UBE2U: variants seen among roughly 807,000 people sequenced by gnomAD.
UBE2U encodes the protein ubiquitin conjugating enzyme E2 U.
UBE2U carries 39 observed loss-of-function variants against 41.2 expected under a neutral mutation model. The observed-to-expected ratio is 0.95, with a 90% CI of 0.73 to 1.24. The LOEUF is 1.24. Ranked by LOEUF, UBE2U falls within the 50% of genes most tolerant of loss-of-function variation. The pLI, the probability that UBE2U is intolerant of heterozygous loss-of-function variation, is 0.00. For synonymous variants in UBE2U, 107 were observed against 117.8 expected (o/e 0.91, Z 0.60); for missense variants, 336 against 363.1 (o/e 0.93, Z 0.61).
intron 8 of UBE2U, among the ~76,000 whole-genome samples, chr1:64,250,397 C>T (rs1644987075): frequency 6.6e-6 from 1 of 152,110 alleles, no homozygotes; most frequent in Admixed American, 6.5e-5. Flanking sequence ...AATTTTCCCA[C>T]ACATTTAAGG....
intron 5 of UBE2U, among the ~76,000 whole-genome samples, 185 bp downstream of exon 5, chr1:64,215,117 C>T (rs1329434600): frequency 6.6e-6 from 1 of 152,112 alleles, no homozygotes; most frequent in Non-Finnish European, 1.5e-5. Context: ...AGTAATCCCA[C>T]CTACTCGGGA....
chr1:64,237,528 G>A (rs1449159714), intron 7 of UBE2U, among the ~76,000 whole-genome samples: 1 of 152,110 alleles, frequency 6.6e-6, no homozygotes, highest in Admixed American at 6.6e-5. Context: ...TCTCTCTCCT[G>A]TCCTCATTCT....
chr1:64,261,729 C>T (rs780581058), intron 9 of UBE2U, among the ~76,000 whole-genome samples: 4 of 152,278 alleles, frequency 2.6e-5, no homozygotes, highest in South Asian at 4.1e-4. Flanking sequence ...TCTTTGCTTT[C>T]TCCATGATTT....
intron 8 of UBE2U, among the ~76,000 whole-genome samples, chr1:64,259,951 T>C (rs1014243051): frequency 2.6e-5 from 4 of 151,392 alleles, no homozygotes; most frequent in Non-Finnish European, 5.9e-5. Context: ...CAGATATAAA[T>C]AGTAATTAGT....
At chr1:64,256,549 G>A (rs1009558838) in intron 8 of UBE2U, among the ~76,000 whole-genome samples, 12 of 152,194 alleles carry the variant, frequency 7.9e-5, no homozygotes, top group Non-Finnish European at 1.5e-4. Context: ...ATGGTGCTGG[G>A]AAAACTAGCT....
At chr1:64,257,374 A>G (rs538517885) in intron 8 of UBE2U, among the ~76,000 whole-genome samples, 2 of 152,348 alleles carry the variant, frequency 1.3e-5, no homozygotes, top group East Asian at 3.9e-4. Flanking sequence ...ATGCCCTTCA[A>G]TGATAGACTG....
intron 8 of UBE2U, 99 bp from the exon 9 acceptor site, chr1:64,260,504 T>C: frequency 7.8e-6 from 7 of 891,904 alleles, no homozygotes; most frequent in Non-Finnish European, 1.0e-5. Flanking sequence ...TTGTTCTACT[T>C]TTATGTTTCA....
At chr1:64,224,738 A>G (rs825165) in intron 6 of UBE2U, among the ~76,000 whole-genome samples, 10,818 of 150,116 alleles carry the variant, frequency 0.072, 1,159 homozygotes, top group African/African-American at 0.23. Flanking sequence ...AAAAAAAAAA[A>G]TTAAGTGAAA....
At chr1:64,216,953 C>A in intron 5 of UBE2U, among the ~76,000 whole-genome samples, 1 of 152,152 alleles carries the variant, frequency 6.6e-6, no homozygotes, top group South Asian at 2.1e-4. Context: ...TAATTATTCC[C>A]AGTACCTCCT....
chr1:64,240,546 T>C (rs1181268700), intron 7 of UBE2U, among the ~76,000 whole-genome samples: 1 of 152,186 alleles, frequency 6.6e-6, no homozygotes, highest in Non-Finnish European at 1.5e-5. Context: ...AGTTTGCAAG[T>C]AATTCATTCA....
intron 8 of UBE2U, among the ~76,000 whole-genome samples, chr1:64,259,166 GTTGT>G (rs1489852833): frequency 9.2e-5 from 14 of 152,206 alleles, no homozygotes; most frequent in African/African-American, 1.2e-4. Flanking sequence ...TTTTGACGGG[GTTGT>G]TTGTTTTTTT....
chr1:64,262,162 T>C (rs1645188719), intron 9 of UBE2U, among the ~76,000 whole-genome samples: 1 of 152,238 alleles, frequency 6.6e-6, no homozygotes, highest in African/African-American at 2.4e-5. Context: ...CCTTCTTTAC[T>C]TTCTAATGCC....
chr1:64,204,371 C>CT (rs1651156708), intron 1 of UBE2U, among the ~76,000 whole-genome samples: 11 of 152,084 alleles, frequency 7.2e-5, no homozygotes, highest in Non-Finnish European at 1.5e-4. Flanking sequence ...CACTGAATAT[C>CT]AGGGTCTGTC....
At chr1:64,221,808 C>T (rs1330977143) in intron 6 of UBE2U, among the ~76,000 whole-genome samples, 2 of 152,030 alleles carry the variant, frequency 1.3e-5, no homozygotes, top group Non-Finnish European at 2.9e-5. Flanking sequence ...AACTTATGGC[C>T]GAGAGCAGTG....
chr1:64,257,614 AG>A (rs779892077), intron 8 of UBE2U, among the ~76,000 whole-genome samples: 8 of 152,050 alleles, frequency 5.3e-5, no homozygotes, highest in Non-Finnish European at 1.0e-4. Flanking sequence ...CCTGTTGGTG[AG>A]GGGGGTGTGT....
intron 8 of UBE2U, among the ~76,000 whole-genome samples, chr1:64,253,035 G>A (rs894620353): frequency 6.6e-6 from 1 of 152,136 alleles, no homozygotes; most frequent in Non-Finnish European, 1.5e-5. Context: ...TACAGAAGAT[G>A]ATAACCAGAA....
At chr1:64,247,537 T>C (rs1908637) in intron 8 of UBE2U, among the ~76,000 whole-genome samples, 25,859 of 152,062 alleles carry the variant, frequency 0.17, 2,881 homozygotes, top group Non-Finnish European at 0.25. Context: ...GATAAGTAAG[T>C]TCTCCATTAG....
chr1:64,267,229 A>G lies in UBE2U; in HGVS notation c.*21A>G. On this transcript the variant is annotated 3_prime_UTR_variant, in exon 10 of 10. Coordinates refer to ENST00000371077, the MANE Select transcript of UBE2U (RefSeq NM_001366232.2). ...ATTAAGCAGAACATTATCAGATTCA[A>G]AAAATAAACAGCCTCCGCCATAGCC... The G allele has an allele frequency of 6.8e-7, 1 of 1,468,760 alleles. No homozygotes were observed. Among genetic ancestry groups the G allele is most frequent in the Non-Finnish European group, 9.0e-7 (1 of 1,111,608 alleles). 91.0% of individuals were successfully genotyped at this position (1,468,760 alleles called of 1,614,324 possible).
intron 4 of UBE2U, among the ~76,000 whole-genome samples, chr1:64,214,409 A>C (rs538652355): frequency 1.3e-5 from 2 of 152,344 alleles, no homozygotes; most frequent in South Asian, 4.1e-4. Context: ...TCTTGATAAC[A>C]AATTAGATAC....
Sources: allele counts gnomAD v4.1 joint callset (sites outside exome capture counted in the v4.1 genomes callset), GRCh38; gene constraint gnomAD v4.1.1; transcripts MANE v1.5; gene names NCBI Gene and HGNC (gene_info 2026-07-23, HGNC 2026-07-21).